Variants in CCDC175 observed in about 807,000 individuals in gnomAD.
CCDC175 encodes the protein coiled-coil domain containing 175, also known as coiled-coil domain-containing protein 175.
CCDC175 carries 100 observed loss-of-function variants against 114.6 expected under a neutral mutation model. That is an observed-to-expected ratio of 0.87 (90% CI 0.74 to 1.03). CCDC175 has a LOEUF of 1.03. CCDC175 is among the 50% of genes least tolerant of loss of function. The pLI is 0.00. For synonymous variants in CCDC175, 306 were observed against 308.7 expected, an observed-to-expected ratio of 0.99 and a Z score of 0.09; for missense variants, 880 against 917.8, an observed-to-expected ratio of 0.96 and a Z score of 0.53.
intron 3 of CCDC175, among the ~76,000 whole-genome samples, chr14:59,571,747 T>G (rs1444548103): frequency 6.6e-6 from 1 of 152,104 alleles, no homozygotes; most frequent in Non-Finnish European, 1.5e-5. Context: ...TATATGACTC[T>G]GTAAGATCTG....
rs1401538945 is a variant in CCDC175 at position 59,561,244 on chromosome 14, C to T, written c.844-16G>A. 2.9e-6 allele frequency: 4 copies of T among 1,385,818 alleles called. No individual in the cohort carries two copies. In the East Asian group the frequency reaches 7.5e-5, roughly 26 times the overall value. The allele number at this position is 1,385,818 out of a possible 1,614,324, so 85.8% of individuals were successfully genotyped here. A position where few individuals can be genotyped will look rare whatever the true frequency, so the allele number is the denominator to read the frequency against. ...CACTAAGAACCTATTAAAAATTAAA[C>T]AAAAATATGGCATCCAATCATCACC... On this transcript the variant is annotated splice_polypyrimidine_tract_variant and intron_variant, in intron 6 of 19. Transcript: ENST00000537690.
intron 7 of CCDC175, among the ~76,000 whole-genome samples, chr14:59,551,673 C>T (rs997466655): frequency 2.6e-5 from 4 of 152,208 alleles, no homozygotes; most frequent in Non-Finnish European, 5.9e-5. Context: ...GGCGAGGCAT[C>T]ACCTCACCTA....
intron 14 of CCDC175, among the ~76,000 whole-genome samples, chr14:59,528,298 T>C (rs1300281820): frequency 6.6e-6 from 1 of 152,190 alleles, no homozygotes; most frequent in African/African-American, 2.4e-5. Flanking sequence ...TTTTTCCTTC[T>C]GAAATTCCAC....
intron 17 of CCDC175, among the ~76,000 whole-genome samples, chr14:59,515,346 G>A (rs556506072): frequency 8.5e-5 from 13 of 152,306 alleles, no homozygotes; most frequent in Non-Finnish European, 1.0e-4. Flanking sequence ...TGGGCTAAAT[G>A]CTCCAATTAA....
chr14:59,555,748 A>AT, intron 7 of CCDC175, among the ~76,000 whole-genome samples: 1 of 152,358 alleles, frequency 6.6e-6, no homozygotes, highest in Non-Finnish European at 1.5e-5. Flanking sequence ...CCTTAAGCTG[A>AT]TAAGCAACTT....
chr14:59,530,712 AT>A (rs372248876), intron 14 of CCDC175, among the ~76,000 whole-genome samples: 6,262 of 152,178 alleles, frequency 0.041, 166 homozygotes, highest in Non-Finnish European at 0.06. Context: ...ACTTCTGAAT[AT>A]TTTTTTATTC....
chr14:59,519,518 T>A (rs1324796036), intron 17 of CCDC175, among the ~76,000 whole-genome samples: 5 of 152,094 alleles, frequency 3.3e-5, no homozygotes, highest in Admixed American at 1.3e-4. Context: ...TGAGACACCA[T>A]GAAGAAAATG....
At chr14:59,551,977 G>C (rs1220339351) in intron 7 of CCDC175, among the ~76,000 whole-genome samples, 2 of 152,254 alleles carry the variant, frequency 1.3e-5, no homozygotes, top group Non-Finnish European at 2.9e-5. Flanking sequence ...CTGGAAGATG[G>C]AACAGGGTGG....
At chr14:59,513,207 G>A in intron 17 of CCDC175, among the ~76,000 whole-genome samples, 1 of 152,164 alleles carries the variant, frequency 6.6e-6, no homozygotes. Flanking sequence ...TGGCCGAATA[G>A]GAACAGCTCC....
intron 7 of CCDC175, among the ~76,000 whole-genome samples, chr14:59,558,388 T>G (rs1038980514): frequency 1.3e-4 from 20 of 152,200 alleles, no homozygotes; most frequent in Admixed American, 1.1e-3. Flanking sequence ...TAGAAGGCTC[T>G]GGTGGTGATC....
At chr14:59,555,747 G>A (rs1035670150) in intron 7 of CCDC175, among the ~76,000 whole-genome samples, 11 of 152,188 alleles carry the variant, frequency 7.2e-5, no homozygotes, top group Non-Finnish European at 1.3e-4. Flanking sequence ...TCCTTAAGCT[G>A]ATAAGCAACT....
At chr14:59,576,471 C>T in intron 1 of CCDC175, 148 bp downstream of exon 1, 1 of 755,284 alleles carries the variant, frequency 1.3e-6, no homozygotes, top group South Asian at 3.7e-5. Context: ...TCTCTCTCCC[C>T]AGCCTCCAAG....
chr14:59,524,621 A>T (rs1309228847), intron 16 of CCDC175, among the ~76,000 whole-genome samples: 1 of 152,164 alleles, frequency 6.6e-6, no homozygotes, highest in African/African-American at 2.4e-5. Context: ...TGCTGGTGGG[A>T]GTGGCAATTG....
At chr14:59,563,380 T>G (rs537540224) in intron 6 of CCDC175, among the ~76,000 whole-genome samples, 1 of 152,306 alleles carries the variant, frequency 6.6e-6, no homozygotes, top group South Asian at 2.1e-4. Context: ...CATTCAGAAT[T>G]AAGGACTCAG....
chr14:59,535,383 T>G (rs761667055), intron 13 of CCDC175, among the ~76,000 whole-genome samples: 2 of 152,206 alleles, frequency 1.3e-5, no homozygotes. Flanking sequence ...CTTGCCTAAT[T>G]GCACTGTATA....
intron 3 of CCDC175, among the ~76,000 whole-genome samples, chr14:59,570,908 GT>G (rs1411418982): frequency 6.6e-6 from 1 of 151,804 alleles, no homozygotes; most frequent in African/African-American, 2.4e-5. Context: ...CTGGCTAATT[GT>G]TTTTTGTATT....
At chr14:59,555,423 G>A (rs139786301) in intron 7 of CCDC175, among the ~76,000 whole-genome samples, 136 of 152,208 alleles carry the variant, frequency 8.9e-4, no homozygotes, top group African/African-American at 3.1e-3. Flanking sequence ...GCCCTCCAAT[G>A]CTAAAAACTC....
intron 11 of CCDC175, among the ~76,000 whole-genome samples, 173 bp from the exon 12 acceptor site, chr14:59,539,013 C>G (rs1311743565): frequency 6.6e-6 from 1 of 152,220 alleles, no homozygotes; most frequent in Non-Finnish European, 1.5e-5. Context: ...TTAACTGCCT[C>G]AATTCTGTCT....
chr14:59,566,645 T>TGGGCTGAGA (rs1896564113), intron 4 of CCDC175, among the ~76,000 whole-genome samples: 1 of 152,140 alleles, frequency 6.6e-6, no homozygotes, highest in African/African-American at 2.4e-5. Context: ...TGTGTTGTGA[T>TGGGCTGAGA]GGGCTGAGAA....
Sources: allele counts gnomAD v4.1 joint callset (sites outside exome capture counted in the v4.1 genomes callset), GRCh38; gene constraint gnomAD v4.1.1; transcripts MANE v1.5; gene names NCBI Gene and HGNC (gene_info 2026-07-23, HGNC 2026-07-21).